WDR36: variants seen among roughly 807,000 people sequenced by gnomAD.
The protein encoded by WDR36 is WD repeat-containing protein 36.
WDR36 carries 63 observed loss-of-function variants against 112.7 expected under a neutral mutation model. The observed-to-expected ratio is 0.56, with a 90% confidence interval of 0.46 to 0.69. The LOEUF (loss-of-function observed/expected upper bound fraction) is 0.69, where lower values mean the gene tolerates loss of function less well. WDR36 is among the 30% of genes least tolerant of loss of function. WDR36 has a pLI of 0.00. For synonymous variants in WDR36, 410 were observed against 362.2 expected, an observed-to-expected ratio of 1.13 and a Z score of -1.50; for missense variants, 1,226 against 1,070.3, an observed-to-expected ratio of 1.15 and a Z score of -2.03.
chr5:111,094,233 A>G (rs889653885), intron 1 of WDR36, among the ~76,000 whole-genome samples: 1 of 152,220 alleles, frequency 6.6e-6, no homozygotes, highest in Non-Finnish European at 1.5e-5. Flanking sequence ...CAGTTACTAT[A>G]TGACTGGCCC....
At chr5:111,115,772 A>G (rs1753442850) in intron 16 of WDR36, among the ~76,000 whole-genome samples, 1 of 152,308 alleles carries the variant, frequency 6.6e-6, no homozygotes, top group South Asian at 2.1e-4. Context: ...TTGCATGGGT[A>G]TTAAAGTTTC....
At chr5:111,101,394 G>A (rs1215013516) in intron 5 of WDR36, among the ~76,000 whole-genome samples, 2 of 151,790 alleles carry the variant, frequency 1.3e-5, no homozygotes, top group Non-Finnish European at 2.9e-5. Flanking sequence ...TTCCATACAT[G>A]AAGATTTTCT....
At position 111,130,121 on chromosome 5, in the gene WDR36, G is replaced by A. The variant is rs377324420; in HGVS notation, c.*3238G>A. On this transcript the variant is annotated 3_prime_UTR_variant, in exon 23 of 23. Coordinates refer to ENST00000513710, the MANE Select transcript of WDR36 (RefSeq NM_139281.3). Reference sequence around the variant, plus strand: ...GCACATCTCTTGAAGTTTTGATATGGGTTGCACAACATTTATAGGACTGAT... The same window carrying A: ...GCACATCTCTTGAAGTTTTGATATGAGTTGCACAACATTTATAGGACTGAT... The A allele has an allele frequency of 6.5e-4, 135 of 209,172 alleles. No homozygotes were observed. The South Asian group carries it at 7.2e-3, about 11-fold the overall frequency. 13.0% of individuals were successfully genotyped at this position (209,172 alleles called of 1,614,324 possible). A position where few individuals can be genotyped will look rare whatever the true frequency, so the allele number is the denominator to read the frequency against.
Position 111,111,344 on chromosome 5 carries a change from A to G in WDR36, c.1716+66A>G, listed in dbSNP as rs145659096. 2.1e-4 allele frequency: 259 copies of G among 1,242,726 alleles called. No homozygotes were observed. The East Asian group carries it at 4.7e-3, about 22-fold the overall frequency. The allele number at this position is 1,242,726 out of a possible 1,614,324, so 77.0% of individuals were successfully genotyped here. On this transcript the variant is annotated intron_variant, in intron 15 of 22. Coordinates refer to ENST00000513710, the MANE Select transcript of WDR36 (RefSeq NM_139281.3). ...CTTTTGTTTGGGTGTGTTATCCTTT[A>G]ATAGCCTTAAAATCATTATATGAGG...
chr5:111,118,973 TAG>T, intron 16 of WDR36, 38 bp from the exon 17 acceptor site: 1 of 1,507,862 alleles, frequency 6.6e-7, no homozygotes, highest in Non-Finnish European at 9.2e-7. Flanking sequence ...TCCTTTTTGG[TAG>T]AGTTCAAATA....
chr5:111,118,945 A>T, intron 16 of WDR36, 68 bp from the exon 17 acceptor site: 1 of 1,355,176 alleles, frequency 7.4e-7, no homozygotes, highest in South Asian at 1.2e-5. Flanking sequence ...TTTGGCAAAA[A>T]TATTTTTGTG....
intron 1 of WDR36, 125 bp downstream of exon 1, chr5:111,092,743 C>T: frequency 8.4e-7 from 1 of 1,185,188 alleles, no homozygotes; most frequent in South Asian, 1.3e-5. Flanking sequence ...CCCTCCCTGT[C>T]CTATTAATAT....
intron 16 of WDR36, among the ~76,000 whole-genome samples, chr5:111,117,053 T>G (rs1753470593): frequency 6.6e-6 from 1 of 152,198 alleles, no homozygotes; most frequent in Non-Finnish European, 1.5e-5. Flanking sequence ...TGACTTAACA[T>G]AAATAATTTA....
chr5:111,097,118 A>G lies in WDR36; in HGVS notation c.230A>G (p.Asp77Gly). 6.2e-7 allele frequency: 1 copy of G among 1,613,796 alleles called. No individual in the cohort carries two copies. The change falls in exon 3 of 23, where the codon GAT (aspartate) becomes GGT (glycine). Residue 77 changes from aspartate to glycine, a missense_variant. Asp to Gly is a moderately conservative substitution (Grantham distance 94, BLOSUM62 -1). Coordinates refer to ENST00000513710, the MANE Select transcript of WDR36 (RefSeq NM_139281.3). Reference sequence around the variant, plus strand: ...CAGGATATCTGCTGTATGGCAGCTGATGGCAGATTAGTCTTTGCTGCTTAT... The same window carrying G: ...CAGGATATCTGCTGTATGGCAGCTGGTGGCAGATTAGTCTTTGCTGCTTAT... ...VPQDICCMAA[D>G]GRLVFAAYGN...
Position 111,120,398 on chromosome 5 carries a change from C to T in WDR36, c.1905-98C>T, listed in dbSNP as rs1266814103. On this transcript the variant is annotated intron_variant, in intron 17 of 22. Coordinates refer to ENST00000513710, the MANE Select transcript of WDR36 (RefSeq NM_139281.3). ...AATCTATCTTTGAGGTATTTTTTAA[C>T]TAATAAAAGTCTGTAGTCAAATTCA... The T allele has an allele frequency of 2.3e-5, 22 of 955,476 alleles. No individual in the cohort carries two copies. The South Asian group carries it at 3.1e-4, about 13-fold the overall frequency. 59.2% of individuals were successfully genotyped at this position (955,476 alleles called of 1,614,324 possible).
At chr5:111,107,254 A>G (rs759089611) in intron 11 of WDR36, 40 bp from the exon 12 acceptor site, 1 of 1,591,510 alleles carries the variant, frequency 6.3e-7, no homozygotes, top group South Asian at 1.1e-5. Context: ...GAATAACAGA[A>G]TGAAAAGTAA....
chr5:111,097,229 A>G (rs1393086185), intron 3 of WDR36, 50 bp downstream of exon 3: 2 of 1,346,332 alleles, frequency 1.5e-6, no homozygotes, highest in African/African-American at 1.4e-5. Context: ...GTTTGTCATG[A>G]TAGTGGAGGG....
In WDR36 at chr5:111,125,502, T is replaced by C; in HGVS notation, c.2351-106T>C. On this transcript the variant is annotated intron_variant, in intron 21 of 22. Coordinates refer to ENST00000513710, the MANE Select transcript of WDR36 (RefSeq NM_139281.3). ...AAAAAATTAACCCACAGGAAGAATT[T>C]CCTGTACCATTTAAATATATCCTAT... 1.6e-5 allele frequency: 19 copies of C among 1,188,170 alleles called. No homozygotes were observed. In the South Asian group the frequency reaches 2.0e-4, roughly 12 times the overall value. The allele number at this position is 1,188,170 out of a possible 1,614,324, so 73.6% of individuals were successfully genotyped here.
At chr5:111,102,131 G>C (rs574013835) in intron 5 of WDR36, among the ~76,000 whole-genome samples, 1 of 146,764 alleles carries the variant, frequency 6.8e-6, no homozygotes, top group African/African-American at 2.5e-5. Flanking sequence ...ATTTCTTAAT[G>C]AGGTGGCATA....
chr5:111,125,545 A>T (rs1009761523), intron 21 of WDR36, 63 bp from the exon 22 acceptor site: 130 of 1,512,768 alleles, frequency 8.6e-5, no homozygotes, highest in Non-Finnish European at 1.1e-4. Context: ...ATAAAAGGAA[A>T]ACTGTAATTT....
intron 16 of WDR36, among the ~76,000 whole-genome samples, chr5:111,117,595 G>A (rs1753479305): frequency 6.6e-6 from 1 of 152,124 alleles, no homozygotes; most frequent in Admixed American, 6.6e-5. Context: ...TTTCTACCTT[G>A]AGCGAGTTTT....
intron 6 of WDR36, among the ~76,000 whole-genome samples, chr5:111,103,176 C>T (rs1008213427): frequency 4.0e-5 from 6 of 151,620 alleles, no homozygotes; most frequent in Non-Finnish European, 8.9e-5. Context: ...AGCCTGATTC[C>T]ATTCTATAAT....
chr5:111,098,445 CCT>C (rs778319503), intron 3 of WDR36, among the ~76,000 whole-genome samples: 1 of 152,144 alleles, frequency 6.6e-6, no homozygotes, highest in Non-Finnish European at 1.5e-5. Context: ...GTGCATGCCT[CCT>C]CTCTAACCCA....
rs887208468 is a variant in WDR36 at position 111,106,215 on chromosome 5, TTC to T, written c.1180+74_1180+75del. On this transcript the variant is annotated intron_variant, in intron 11 of 22. Coordinates refer to ENST00000513710, the MANE Select transcript of WDR36 (RefSeq NM_139281.3). ...ATTTCCTACTGTATGCTGTTTTATT[TTC>T]TGTTTTAATAAATGCTTTTACAAAT... 26 of 1,338,714 alleles carry T rather than the reference TTC, an allele frequency of 1.9e-5. No homozygotes were observed. In the East Asian group the frequency reaches 3.3e-4, roughly 17 times the overall value. 82.9% of individuals were successfully genotyped at this position (1,338,714 alleles called of 1,614,324 possible).
Sources: gnomAD v4.1 joint callset for allele counts (sites outside exome capture counted in the v4.1 genomes callset) on GRCh38, gnomAD v4.1.1 for gene constraint, MANE v1.5 for transcripts, NCBI Gene and HGNC (gene_info 2026-07-23, HGNC 2026-07-21) for gene names.